Variants in MAN2B1 observed in about 807,000 individuals in gnomAD.
The protein encoded by MAN2B1 is lysosomal alpha-mannosidase.
MAN2B1 carries 99 observed loss-of-function variants against 127.5 expected under a neutral mutation model. The observed-to-expected ratio is 0.78, with a 90% CI of 0.66 to 0.92. The LOEUF (loss-of-function observed/expected upper bound fraction) is 0.92. MAN2B1 is among the 40% of genes least tolerant of loss of function. The probability of loss-of-function intolerance (pLI) is 0.00; values close to 1 mark genes in which losing one functional copy is unlikely to be tolerated. For synonymous variants in MAN2B1, 573 were observed against 568.8 expected (o/e 1.01, Z -0.11); for missense variants, 1,304 against 1,384.8 (o/e 0.94, Z 0.93).
At chr19:12,652,534 T>TTA in intron 14 of MAN2B1, 74 bp from the exon 15 acceptor site, 2 of 1,002,922 alleles carry the variant, frequency 2.0e-6, no homozygotes, top group South Asian at 1.4e-5. Flanking sequence ...TTTTTCTTTT[T>TTA]TCTTTTTTTT....
At chr19:12,663,547 G>A (rs2024158489) in intron 5 of MAN2B1, 85 bp from the exon 6 acceptor site, 1 of 1,581,766 alleles carries the variant, frequency 6.3e-7, no homozygotes, top group Non-Finnish European at 8.6e-7. Context: ...CCCAGGATGG[G>A]CTTCAGAATT....
At chr19:12,653,481 G>A (rs901010182) in intron 14 of MAN2B1, among the ~76,000 whole-genome samples, 2 of 151,706 alleles carry the variant, frequency 1.3e-5, no homozygotes, top group East Asian at 2.0e-4. Context: ...TTTTAGGGCC[G>A]AGCGTGGTGG....
intron 10 of MAN2B1, 108 bp from the exon 11 acceptor site, chr19:12,657,663 AGGAAC>A: frequency 2.0e-6 from 2 of 976,566 alleles, no homozygotes; most frequent in Non-Finnish European, 3.2e-6. Flanking sequence ...GGCTTTAAGA[AGGAAC>A]TCGAGGACGG....
intron 6 of MAN2B1, among the ~76,000 whole-genome samples, chr19:12,661,591 CATGCTATCTCTTGCCCAGCCT>C (rs1466101542): frequency 1.3e-5 from 2 of 152,126 alleles, no homozygotes; most frequent in African/African-American, 4.8e-5. Context: ...GTCACCATGC[CATGCTATCTCTTGCCCAGCCT>C]ATGCTATCTC....
Position 12,665,497 on chromosome 19 carries a change from C to G in MAN2B1, c.291G>C (p.Val97=). The change falls in exon 3 of 24, where the codon GTG becomes GTC. Residue 97 remains valine, a synonymous_variant. Coordinates refer to ENST00000456935, the MANE Select transcript of MAN2B1 (RefSeq NM_000528.4). The part of the protein sequence containing the change: ...GIKNDIQHAG[V]QYILDSVISA... ...AGATGACCGAGTCCAGGATGTACTGCACACCGGCGTGCTGGATGTCATTCT... is the reference window on the plus strand; with the variant it reads ...AGATGACCGAGTCCAGGATGTACTGGACACCGGCGTGCTGGATGTCATTCT... 1.9e-6 allele frequency: 3 copies of G among 1,614,178 alleles called. No individual in the cohort carries two copies. The highest frequency in any genetic ancestry group is 2.5e-6 in the Non-Finnish European group (3 of 1,180,044).
At chr19:12,658,549 G>C in intron 7 of MAN2B1, 39 bp from the exon 8 acceptor site, 2 of 1,582,874 alleles carry the variant, frequency 1.3e-6, no homozygotes, top group Non-Finnish European at 1.7e-6. Flanking sequence ...TCGGGAGTCC[G>C]CACCTTCCTG....
rs864621976 is a variant in MAN2B1, at chr19:12,664,947, C to T, written c.475G>A (p.Asp159Asn). The T allele has an allele frequency of 6.2e-7, 1 of 1,613,928 alleles. No homozygotes were observed. ...EFANGGWVMNDEAATHYGAIV... is the reference protein window; with the variant it reads ...EFANGGWVMNNEAATHYGAIV... ...GCACCGTAGTGGGTGGCTGCCTCAT[C>T]GTTCATCACCCAGCCACCATTGGCG... The change falls in exon 4 of 24, where the codon GAT (aspartate) becomes AAT (asparagine). Residue 159 changes from aspartate (D) to asparagine (N), a missense_variant. Coordinates refer to ENST00000456935, the MANE Select transcript of MAN2B1 (RefSeq NM_000528.4).
chr19:12,665,602 C>T, intron 2 of MAN2B1, 77 bp from the exon 3 acceptor site: 1 of 1,597,972 alleles, frequency 6.3e-7, no homozygotes, highest in Non-Finnish European at 8.6e-7. Context: ...AGCCCAAACC[C>T]TGGATATTAG....
Position 12,648,339 on chromosome 19 carries a change from A to G in MAN2B1, c.2500T>C (p.Ser834Pro), listed in dbSNP as rs1046850193. 6.8e-6 allele frequency: 11 copies of G among 1,613,490 alleles called. No homozygotes were observed. In the Admixed American group the frequency reaches 1.7e-4, roughly 24 times the overall value. Residue 834 changes from serine (S) to proline (P), a missense_variant, in exon 21 of 24, where the codon TCG becomes CCG. Physicochemically the swap from Ser to Pro is moderately conservative, Grantham distance 74 (BLOSUM62 -1). Coordinates refer to ENST00000456935, the MANE Select transcript of MAN2B1 (RefSeq NM_000528.4). ...GVSEPLMENG[S>P]GAWVRGRHLV... ...TGGCGCCCTCGCACCCACGCCCCCGACCCGTTCTCCATTAGTGGCTCCGAT... is the reference window on the plus strand; with the variant it reads ...TGGCGCCCTCGCACCCACGCCCCCGGCCCGTTCTCCATTAGTGGCTCCGAT...
At chr19:12,660,302 G>A (rs1029512332) in intron 7 of MAN2B1, among the ~76,000 whole-genome samples, 2 of 152,084 alleles carry the variant, frequency 1.3e-5, no homozygotes, top group Non-Finnish European at 2.9e-5. Context: ...TCAAGAAATC[G>A]AGACCATCCT....
Position 12,647,414 on chromosome 19 carries a change from G to T in MAN2B1, c.2820+29C>A. 1 of 1,613,488 alleles carries T rather than the reference G, an allele frequency of 6.2e-7. No homozygotes were observed. Among genetic ancestry groups the T allele is most frequent in the African/African-American group, 1.3e-5 (1 of 75,016 alleles). The stretch of plus-strand genomic sequence containing the variant: ...CTCTCCCTCTCTCTTGCCTCTCTCC[G>T]ATCTCCTTCTCAATTTTGCCCTTCT... On this transcript the variant is annotated intron_variant, in intron 22 of 23. Transcript: ENST00000456935. This position sits in a 1 kb window ranked among gnomAD's most constrained non-coding sequence, Gnocchi z 4.9.
Position 12,657,520 on chromosome 19 carries a change from C to T in MAN2B1, c.1345G>A (p.Val449Ile), listed in dbSNP as rs764898305. 7.7e-6 allele frequency: 12 copies of T among 1,565,536 alleles called. No homozygotes were observed. The highest frequency in any genetic ancestry group is 3.5e-4 in the Middle Eastern group (2 of 5,750). The change falls in exon 11 of 24, where the codon GTC becomes ATC. Residue 449 changes from valine to isoleucine, a missense_variant. Physicochemically the swap from Val to Ile is conservative, Grantham distance 29. Coordinates refer to ENST00000456935, the MANE Select transcript of MAN2B1 (RefSeq NM_000528.4). ...ACGTGCTGGCGGGAGGTGCCGCTGA[C>T]GGCGTCGTGATGCTGGAGCACAGCC... ...AMAVLQHHDA[V>I]SGTSRQHVAN...
intron 16 of MAN2B1, among the ~76,000 whole-genome samples, chr19:12,651,554 G>A (rs2023841446): frequency 6.6e-6 from 1 of 152,186 alleles, no homozygotes; most frequent in Admixed American, 6.6e-5. Flanking sequence ...AACTCTGTTA[G>A]AACAGGCAAA....
rs1306614679 is a variant in MAN2B1 at position 12,657,527 on chromosome 19, G to T, written c.1338C>A (p.His446Gln). The T allele has an allele frequency of 1.3e-6, 2 of 1,565,658 alleles. No homozygotes were observed. The highest frequency in any genetic ancestry group is 4.7e-5 in the East Asian group (2 of 42,316). The change falls in exon 11 of 24, where the codon CAC becomes CAA. Residue 446 changes from histidine (H) to glutamine (Q), a missense_variant. By Grantham distance (24) the His-to-Gln change is conservative (BLOSUM62 0). Transcript: ENST00000456935. Reference protein sequence around the residue: ...LNEAMAVLQHHDAVSGTSRQH... With the variant: ...LNEAMAVLQHQDAVSGTSRQH... ...GGCGGGAGGTGCCGCTGACGGCGTC[G>T]TGATGCTGGAGCACAGCCATCGCCT... is the stretch of plus-strand genomic sequence containing the variant.
chr19:12,657,787 C>G (rs2024004375), intron 10 of MAN2B1: 2 of 608,386 alleles, frequency 3.3e-6, no homozygotes, highest in Admixed American at 2.9e-5. Flanking sequence ...AACCCCGTCT[C>G]TACTAAAAAT....
At chr19:12,655,935 G>A in intron 13 of MAN2B1, 56 bp from the exon 14 acceptor site, 1 of 1,464,748 alleles carries the variant, frequency 6.8e-7, no homozygotes, top group East Asian at 2.3e-5. Context: ...AGCTATACAT[G>A]CATGGAGACA....
rs1270044280 is a variant in MAN2B1 at position 12,650,025 on chromosome 19, T to C, written c.2166-11A>G. ...TTCCCCCAGGTGTCGCTGTACCCAA[T>C]GGGATGGCAAGGTTGTGAGCCTTGG... On this transcript the variant is annotated splice_polypyrimidine_tract_variant and intron_variant, in intron 17 of 23. Transcript: ENST00000456935. 3.1e-6 allele frequency: 5 copies of C among 1,613,568 alleles called. No individual in the cohort carries two copies. In the South Asian group the frequency reaches 4.4e-5, roughly 14 times the overall value.
At position 12,656,950 on chromosome 19, in the gene MAN2B1, C is replaced by T. The variant is rs758317920; in HGVS notation, c.1526G>A (p.Arg509His). 3.1e-6 allele frequency: 5 copies of T among 1,612,480 alleles called. No individual in the cohort carries two copies. Among genetic ancestry groups the T allele is most frequent in the East Asian group, 2.2e-5 (1 of 44,848 alleles). Residue 509 changes from arginine to histidine, a missense_variant and splice_region_variant, in exon 12 of 24, where the codon CGC (arginine) becomes CAC (histidine). Coordinates refer to ENST00000456935, the MANE Select transcript of MAN2B1 (RefSeq NM_000528.4). Reference sequence around the variant, plus strand: ...TCCACCCCTCCCGTCCCGGCTCACGCGCGCCGCCGTCTGGCTGAGCGGGCA... The same window carrying T: ...TCCACCCCTCCCGTCCCGGCTCACGTGCGCCGCCGTCTGGCTGAGCGGGCA... Reference protein sequence around the residue: ...SICPLSQTAARFQVIVYNPLG... With the variant: ...SICPLSQTAAHFQVIVYNPLG...
At chr19:12,652,535 TC>T (rs2023864135) in intron 14 of MAN2B1, 75 bp from the exon 15 acceptor site, 2 of 979,866 alleles carry the variant, frequency 2.0e-6, no homozygotes, top group Admixed American at 2.4e-5. Context: ...TTTTCTTTTT[TC>T]TTTTTTTTTT....
Sources: allele counts gnomAD v4.1 joint callset (sites outside exome capture counted in the v4.1 genomes callset), GRCh38; gene constraint gnomAD v4.1.1; non-coding constraint Gnocchi (gnomAD v3.1); transcripts MANE v1.5; gene names NCBI Gene and HGNC (gene_info 2026-07-23, HGNC 2026-07-21).